Variants in MCPH1 observed in about 807,000 individuals in gnomAD.
MCPH1 encodes microcephalin.
Under a neutral mutation model 84.5 loss-of-function variants are expected in MCPH1, and 104 were observed. That is an observed-to-expected ratio of 1.23 (90% CI 1.05 to 1.45). The LOEUF (loss-of-function observed/expected upper bound fraction) is 1.45, where lower values mean the gene tolerates loss of function less well. MCPH1 is among the 40% of genes most tolerant of loss of function. The pLI is 0.00. For synonymous variants in MCPH1, 514 were observed against 366.8 expected, an observed-to-expected ratio of 1.40 and a Z score of -4.58; for missense variants, 1,498 against 1,005.7, an observed-to-expected ratio of 1.49 and a Z score of -6.62.
At position 6,436,034 on chromosome 8, in the gene MCPH1, T is replaced by C. The variant is rs1433999192; in HGVS notation, c.322-14T>C. The C allele has an allele frequency of 2.5e-6, 4 of 1,612,792 alleles. No homozygotes were observed. The African/African-American group carries it at 5.3e-5, about 22-fold the overall frequency. The stretch of plus-strand genomic sequence containing the variant: ...TTGCAGTACAGCATTAATTTTTGTG[T>C]TCTTTTTGCACAGCGTAAATGTATG... On this transcript the variant is annotated splice_polypyrimidine_tract_variant and intron_variant, in intron 4 of 13. Coordinates refer to ENST00000344683, the MANE Select transcript of MCPH1 (RefSeq NM_024596.5).
chr8:6,508,981 A>C, intron 12 of MCPH1: 1 of 1,614,118 alleles, frequency 6.2e-7, no homozygotes, highest in South Asian at 1.1e-5. Context: ...CGTTGTCTCC[A>C]TCCTTTGTGC....
chr8:6,483,979 T>G (rs891848270), intron 11 of MCPH1, among the ~76,000 whole-genome samples: 1 of 152,136 alleles, frequency 6.6e-6, no homozygotes, highest in African/African-American at 2.4e-5. Flanking sequence ...GGTATAAAAC[T>G]TCTATAAGTA....
chr8:6,583,443 G>T (rs556118066), intron 12 of MCPH1, among the ~76,000 whole-genome samples: 1 of 152,182 alleles, frequency 6.6e-6, no homozygotes, highest in Non-Finnish European at 1.5e-5. Flanking sequence ...GAATAAAACC[G>T]ACAAAATTCT....
At chr8:6,546,947 C>T (rs1376733572) in intron 12 of MCPH1, among the ~76,000 whole-genome samples, 1 of 152,218 alleles carries the variant, frequency 6.6e-6, no homozygotes, top group Non-Finnish European at 1.5e-5. Flanking sequence ...AGCCATGTTC[C>T]TTGCAAGCTG....
At chr8:6,477,248 A>T (rs1037120649) in intron 9 of MCPH1, 1 of 246,134 alleles carries the variant, frequency 4.1e-6, no homozygotes, top group African/African-American at 2.3e-5. Flanking sequence ...CGAGTCTACA[A>T]AAACACCCTT....
At chr8:6,414,258 T>G (rs1798940270) in intron 2 of MCPH1, among the ~76,000 whole-genome samples, 1 of 152,258 alleles carries the variant, frequency 6.6e-6, no homozygotes, top group African/African-American at 2.4e-5. Flanking sequence ...TCCACCTGCC[T>G]CGGCCTCCCA....
At chr8:6,446,101 T>C in intron 8 of MCPH1, 1 of 974,038 alleles carries the variant, frequency 1.0e-6, no homozygotes, top group Non-Finnish European at 1.2e-6. Context: ...TGATCATTTG[T>C]AACAAGCCTT....
chr8:6,618,073 A>AAGTT (rs1831031468), intron 12 of MCPH1, among the ~76,000 whole-genome samples: 1 of 152,276 alleles, frequency 6.6e-6, no homozygotes, highest in East Asian at 1.9e-4. Context: ...TGCCCAGCTG[A>AAGTT]AGTTAGAGTT....
rs140294672 is a variant in MCPH1, at chr8:6,642,356, T to A, written c.2453-638T>A. Among the ~76,000 whole-genome samples, 234 of 152,298 alleles carry A rather than the reference T, an allele frequency of 1.5e-3. 1 individual carries two copies. The highest frequency in any genetic ancestry group is 0.014 in the Middle Eastern group (4 of 294). ...GTTTCCGCCAGCTGCCAGGATCACCTGTGCTGACCCTTCAGCAGCACCTGC... is the reference window on the plus strand; with the variant it reads ...GTTTCCGCCAGCTGCCAGGATCACCAGTGCTGACCCTTCAGCAGCACCTGC... On this transcript the variant is annotated intron_variant, in intron 13 of 13. Coordinates refer to ENST00000344683, the MANE Select transcript of MCPH1 (RefSeq NM_024596.5).
intron 2 of MCPH1, among the ~76,000 whole-genome samples, chr8:6,413,207 A>G (rs549945305): frequency 3.2e-4 from 48 of 152,250 alleles, no homozygotes; most frequent in African/African-American, 1.1e-3. Flanking sequence ...TTTTCCTTGA[A>G]GGTATTTCCC....
rs757638262 is a variant in MCPH1, at chr8:6,477,562, G to GT, written c.1936-26dup. On this transcript the variant is annotated intron_variant, in intron 9 of 13. Transcript: ENST00000344683. ...AAAAATATTTTTTATGTTTTTGACT[G>GT]TTTTTTGTTCCTTCTTGTTTGAAAT... 56 of 1,604,108 alleles carry GT rather than the reference G, an allele frequency of 3.5e-5. No homozygotes were observed. In the East Asian group the frequency reaches 1.1e-3, roughly 31 times the overall value.
At chr8:6,604,476 G>A (rs1452524547) in intron 12 of MCPH1, among the ~76,000 whole-genome samples, 1 of 152,194 alleles carries the variant, frequency 6.6e-6, no homozygotes, top group Non-Finnish European at 1.5e-5. Context: ...GAATGTGAGA[G>A]CACATGTCAG....
At chr8:6,485,365 C>T (rs935784452) in intron 11 of MCPH1, among the ~76,000 whole-genome samples, 1 of 151,886 alleles carries the variant, frequency 6.6e-6, no homozygotes, top group Non-Finnish European at 1.5e-5. Context: ...ACGTGCTTTC[C>T]AAATGGAGAT....
chr8:6,545,954 G>C (rs1178791002), intron 12 of MCPH1, among the ~76,000 whole-genome samples: 1 of 152,192 alleles, frequency 6.6e-6, no homozygotes, highest in African/African-American at 2.4e-5. Flanking sequence ...ATTGAATTGA[G>C]TTGGGGAAGT....
chr8:6,471,600 C>CGCAAAGTGAA (rs1460893725), intron 9 of MCPH1, among the ~76,000 whole-genome samples: 1 of 152,080 alleles, frequency 6.6e-6, no homozygotes, highest in East Asian at 1.9e-4. Flanking sequence ...AAACAAAAGC[C>CGCAAAGTGAA]GCAGTCCTCC....
At chr8:6,601,298 T>C (rs1047489432) in intron 12 of MCPH1, among the ~76,000 whole-genome samples, 1 of 152,178 alleles carries the variant, frequency 6.6e-6, no homozygotes, top group African/African-American at 2.4e-5. Flanking sequence ...TTTCTAGTCA[T>C]TTCCCTTCTC....
At chr8:6,630,290 T>C (rs1797060554) in intron 13 of MCPH1, among the ~76,000 whole-genome samples, 1 of 152,056 alleles carries the variant, frequency 6.6e-6, no homozygotes, top group Non-Finnish European at 1.5e-5. Flanking sequence ...CCAGGAGAAA[T>C]ACTAAGAATG....
At chr8:6,627,322 G>T in intron 13 of MCPH1, 11 of 982,682 alleles carry the variant, frequency 1.1e-5, no homozygotes, top group Non-Finnish European at 1.3e-5. Context: ...TGTGGAGAGT[G>T]GCAGAGAGGA....
intron 12 of MCPH1, among the ~76,000 whole-genome samples, chr8:6,594,653 C>T (rs569523126): frequency 8.1e-5 from 12 of 148,310 alleles, no homozygotes; most frequent in East Asian, 6.1e-4. Flanking sequence ...AAAGTACTGA[C>T]GCTACGAAGA....
Sources: gnomAD v4.1 joint callset for allele counts (sites outside exome capture counted in the v4.1 genomes callset) on GRCh38, gnomAD v4.1.1 for gene constraint, MANE v1.5 for transcripts, NCBI Gene and HGNC (gene_info 2026-07-23, HGNC 2026-07-21) for gene names.